Variants in APBB2 observed in about 807,000 individuals in gnomAD.
APBB2 encodes amyloid beta precursor protein binding family B member 2.
A neutral mutation model predicts 82.5 loss-of-function variants in APBB2; 38 were observed. The ratio of observed to expected loss-of-function variants is 0.46; its 90% confidence interval spans 0.36 to 0.60. The LOEUF is 0.60. Among genes scored for constraint, APBB2 ranks in the 20% least tolerant of loss-of-function variants. The pLI is 0.00. For synonymous variants in APBB2, 341 were observed against 368.2 expected, an observed-to-expected ratio of 0.93 and a Z score of 0.85; for missense variants, 772 against 972.3, an observed-to-expected ratio of 0.79 and a Z score of 2.74.
At chr4:40,969,531 C>T (rs1182032786) in intron 6 of APBB2, among the ~76,000 whole-genome samples, 1 of 152,132 alleles carries the variant, frequency 6.6e-6, no homozygotes, top group Admixed American at 6.6e-5. Flanking sequence ...TTTATCCTAA[C>T]GTGTTCAAAA....
intron 7 of APBB2, among the ~76,000 whole-genome samples, chr4:40,942,383 A>G (rs893869418): frequency 2.0e-5 from 3 of 152,176 alleles, no homozygotes; most frequent in Non-Finnish European, 4.4e-5. Context: ...GAACTGATAG[A>G]AGGTGGAGAT....
In APBB2 at chr4:41,163,810, A is replaced by G. The variant is rs59260903; in HGVS notation, c.-416-20668T>C. ...ATTTTCCACGTTAATTCTATTTTTT[A>G]GAAAATGAGAGAGAAAAAGAAATTC... On this transcript the variant is annotated intron_variant, in intron 1 of 17. Coordinates refer to ENST00000508593, the MANE Select transcript of APBB2 (RefSeq NM_004307.2). Among the ~76,000 whole-genome samples, 479 of 152,364 alleles carry G rather than the reference A, an allele frequency of 3.1e-3. 2 individuals are homozygous for G. The highest frequency in any genetic ancestry group is 0.011 in the African/African-American group (455 of 41,594).
intron 6 of APBB2, among the ~76,000 whole-genome samples, chr4:40,978,720 T>G (rs12509038): frequency 0.39 from 58,618 of 151,934 alleles, 12,340 homozygotes; most frequent in East Asian, 0.71. Flanking sequence ...CTTGACCATA[T>G]GAGTCATCAT....
chr4:41,212,738 T>G (rs951881307), intron 1 of APBB2, among the ~76,000 whole-genome samples: 12 of 152,178 alleles, frequency 7.9e-5, no homozygotes, highest in African/African-American at 2.2e-4. Context: ...TGAAATCTTG[T>G]ACTTGTACCC....
intron 5 of APBB2, among the ~76,000 whole-genome samples, chr4:41,023,113 A>C (rs961302593): frequency 1.3e-5 from 2 of 152,192 alleles, no homozygotes; most frequent in Admixed American, 1.3e-4. Context: ...TTTAGAGTCA[A>C]AAGCATATGT....
At chr4:40,948,033 C>G (rs1788931365) in intron 6 of APBB2, among the ~76,000 whole-genome samples, 1 of 152,150 alleles carries the variant, frequency 6.6e-6, no homozygotes, top group Non-Finnish European at 1.5e-5. Flanking sequence ...TTCATGACTC[C>G]CAAGACTTAC....
At chr4:41,066,595 A>C (rs1375237883) in intron 3 of APBB2, among the ~76,000 whole-genome samples, 2 of 152,176 alleles carry the variant, frequency 1.3e-5, no homozygotes, top group East Asian at 3.9e-4. Flanking sequence ...GAGGCCTTCC[A>C]AGAAAAGGGG....
At chr4:41,017,068 T>C (rs1377431061) in intron 5 of APBB2, among the ~76,000 whole-genome samples, 1 of 152,050 alleles carries the variant, frequency 6.6e-6, no homozygotes, top group African/African-American at 2.4e-5. Flanking sequence ...GCTAATTTTT[T>C]GACTTTTTGT....
intron 6 of APBB2, among the ~76,000 whole-genome samples, chr4:40,980,707 T>A (rs1798251948): frequency 1.3e-5 from 2 of 152,200 alleles, no homozygotes; most frequent in South Asian, 4.1e-4. Flanking sequence ...GTCTCAAGGC[T>A]TAACTGCTGC....
At chr4:40,993,367 T>C (rs1802704952) in intron 6 of APBB2, among the ~76,000 whole-genome samples, 5 of 150,102 alleles carry the variant, frequency 3.3e-5, no homozygotes, top group Middle Eastern at 3.4e-3. Flanking sequence ...CTCTCTTTTT[T>C]TTTTTTTTTT....
At chr4:40,903,626 G>A (rs755037379) in intron 10 of APBB2, among the ~76,000 whole-genome samples, 2 of 152,200 alleles carry the variant, frequency 1.3e-5, no homozygotes, top group Non-Finnish European at 2.9e-5. Context: ...TGAGGAGAAC[G>A]TTGGCAGAGA....
intron 10 of APBB2, among the ~76,000 whole-genome samples, chr4:40,913,585 G>C (rs1425288985): frequency 6.6e-6 from 1 of 152,152 alleles, no homozygotes; most frequent in Non-Finnish European, 1.5e-5. Flanking sequence ...CCATACTCCT[G>C]GTGCTTTTGC....
At chr4:41,042,945 A>G (rs1422186879) in intron 4 of APBB2, among the ~76,000 whole-genome samples, 1 of 152,258 alleles carries the variant, frequency 6.6e-6, no homozygotes, top group Non-Finnish European at 1.5e-5. Flanking sequence ...ATGAGATTGT[A>G]GAAGAGCTGT....
At chr4:40,928,428 A>ACAC (rs201061451) in intron 10 of APBB2, among the ~76,000 whole-genome samples, 9,043 of 54,060 alleles carry the variant, frequency 0.17, 409 homozygotes, top group Admixed American at 0.26. Flanking sequence ...ACACACACAC[A>ACAC]ATCAGCCAGG....
In APBB2 at chr4:40,890,228, C is replaced by A. The variant is rs908238189; in HGVS notation, c.1529+136G>T. 3 of 1,221,074 alleles carry A rather than the reference C, an allele frequency of 2.5e-6. No individual in the cohort carries two copies. In the East Asian group the frequency reaches 8.3e-5, roughly 34 times the overall value. 75.6% of individuals were successfully genotyped at this position (1,221,074 alleles called of 1,614,324 possible). A position where few individuals can be genotyped will look rare whatever the true frequency, so the allele number is the denominator to read the frequency against. On this transcript the variant is annotated intron_variant, in intron 12 of 17. Coordinates refer to ENST00000508593, the MANE Select transcript of APBB2 (RefSeq NM_004307.2). ...TAAGAGGCAGGGAACTAGAGACAAG[C>A]TTTCATTTTTCACATTTCTATATAG...
intron 10 of APBB2, among the ~76,000 whole-genome samples, chr4:40,916,869 T>G (rs1431710275): frequency 1.3e-5 from 2 of 152,088 alleles, no homozygotes; most frequent in Non-Finnish European, 2.9e-5. Context: ...AAGTATGCAG[T>G]GAACGGGAGA....
chr4:40,930,462 CGCGCGTGCGCGT>C (rs59741554), intron 10 of APBB2, among the ~76,000 whole-genome samples: 12,388 of 102,896 alleles, frequency 0.12, 626 homozygotes, highest in Middle Eastern at 0.16. Flanking sequence ...CGCGCGCGCG[CGCGCGTGCGCGT>C]GCGCGTATGC....
chr4:41,166,137 G>A (rs1346244682), intron 1 of APBB2, among the ~76,000 whole-genome samples: 1 of 149,952 alleles, frequency 6.7e-6, no homozygotes, highest in Non-Finnish European at 1.5e-5. Context: ...GCCTCCCAAA[G>A]TGCTGGGATT....
intron 4 of APBB2, among the ~76,000 whole-genome samples, chr4:41,034,843 T>A (rs1718523285): frequency 6.6e-6 from 1 of 152,200 alleles, no homozygotes; most frequent in African/African-American, 2.4e-5. Flanking sequence ...AAATAATACA[T>A]AATAAGGAAA....
Sources: allele counts gnomAD v4.1 joint callset (sites outside exome capture counted in the v4.1 genomes callset), GRCh38; gene constraint gnomAD v4.1.1; transcripts MANE v1.5; gene names NCBI Gene and HGNC (gene_info 2026-07-23, HGNC 2026-07-21).